The following DAB1 variants were observed in gnomAD, a reference collection of about 807,000 sequenced individuals.
DAB1 encodes disabled homolog 1.
In DAB1, 15 loss-of-function variants were observed where a neutral mutation model predicts 64.6. The ratio of observed to expected loss-of-function variants is 0.23; its 90% CI spans 0.16 to 0.36. The LOEUF (loss-of-function observed/expected upper bound fraction) is 0.36. Among genes scored for constraint, DAB1 ranks in the 10% least tolerant of loss-of-function variants. DAB1 has a pLI of 1.00. For missense variants in DAB1, 596 were observed against 706.7 expected, an observed-to-expected ratio of 0.84 and a Z score of 1.78; for synonymous variants, 235 against 251.9, an observed-to-expected ratio of 0.93 and a Z score of 0.64.
chr1:57,397,847 C>T (rs1443388330), intron 1 of DAB1, among the ~76,000 whole-genome samples: 1 of 152,190 alleles, frequency 6.6e-6, no homozygotes, highest in Non-Finnish European at 1.5e-5. Context: ...TGGTTTGCAC[C>T]TAAGTGCCAG....
chr1:57,058,184 C>G (rs1349748146), intron 9 of DAB1, among the ~76,000 whole-genome samples: 1 of 152,136 alleles, frequency 6.6e-6, no homozygotes, highest in African/African-American at 2.4e-5. Context: ...GGCCACCTGT[C>G]CGCCTGGTGA....
At chr1:57,136,374 A>G (rs1158698861) in intron 4 of DAB1, among the ~76,000 whole-genome samples, 169 bp downstream of exon 4, 3 of 152,196 alleles carry the variant, frequency 2.0e-5, no homozygotes, top group Non-Finnish European at 4.4e-5. Context: ...TACTGTGGCC[A>G]AGTCAGCAAA....
At chr1:57,296,210 G>A (rs1238981416) in intron 1 of DAB1, among the ~76,000 whole-genome samples, 1 of 152,114 alleles carries the variant, frequency 6.6e-6, no homozygotes, top group Non-Finnish European at 1.5e-5. Context: ...GGAAAGGAAA[G>A]CAGGAAAGAA....
At chr1:57,339,137 C>CTT (rs5774338) in intron 1 of DAB1, among the ~76,000 whole-genome samples, 1 of 145,284 alleles carries the variant, frequency 6.9e-6, no homozygotes, top group Non-Finnish European at 1.5e-5. Context: ...CGGCTTCTTT[C>CTT]TTTTTTTTTT....
At chr1:58,282,876 G>GT (rs1208101689) in intron 4 of DAB1, among the ~76,000 whole-genome samples, 2 of 152,342 alleles carry the variant, frequency 1.3e-5, no homozygotes, top group African/African-American at 2.4e-5. Flanking sequence ...ATAGCAACAA[G>GT]TATAGACTAA....
intron 7 of DAB1, among the ~76,000 whole-genome samples, chr1:57,430,539 C>T (rs1314439621): frequency 6.6e-6 from 1 of 152,042 alleles, no homozygotes; most frequent in Non-Finnish European, 1.5e-5. Context: ...CCATGCCTGG[C>T]TAATTTTTTT....
intron 3 of DAB1, among the ~76,000 whole-genome samples, chr1:58,438,858 G>A (rs936507924): frequency 1.3e-5 from 2 of 152,102 alleles, no homozygotes; most frequent in East Asian, 1.9e-4. Context: ...TGCTTCTGTC[G>A]CTTTCACCTG....
chr1:58,361,568 G>C (rs554215287), intron 3 of DAB1, among the ~76,000 whole-genome samples: 76 of 152,202 alleles, frequency 5.0e-4, no homozygotes, highest in African/African-American at 1.8e-3. Context: ...TTTTGTTAGG[G>C]GGAAGTTGAT....
intron 5 of DAB1, among the ~76,000 whole-genome samples, chr1:57,921,009 C>T (rs1644800895): frequency 6.6e-6 from 1 of 152,134 alleles, no homozygotes; most frequent in Non-Finnish European, 1.5e-5. Context: ...TTCATTACCA[C>T]ATCATTAGTA....
chr1:58,385,348 G>A (rs1644424248), intron 3 of DAB1, among the ~76,000 whole-genome samples: 1 of 152,156 alleles, frequency 6.6e-6, no homozygotes, highest in Non-Finnish European at 1.5e-5. Flanking sequence ...GTCTTACCCT[G>A]TCTTACTCTT....
At position 57,070,739 on chromosome 1, in the gene DAB1, A is replaced by G. The variant is rs573733635; in HGVS notation, c.597+284T>C. 21 of 433,328 alleles carry G rather than the reference A, an allele frequency of 4.8e-5. 1 individual carries two copies. The East Asian group carries it at 9.6e-4, about 20-fold the overall frequency. 26.8% of individuals were successfully genotyped at this position (433,328 alleles called of 1,614,324 possible). On this transcript the variant is annotated intron_variant, in intron 7 of 14. Coordinates refer to ENST00000371236, the MANE Select transcript of DAB1 (RefSeq NM_001365792.1). ...GAATATTCAAGAGACTCTTGAAAAC[A>G]TTCAGCTCTGGGATCAAACTTTTAC...
intron 9 of DAB1, among the ~76,000 whole-genome samples, chr1:57,051,108 G>A (rs1178658487): frequency 6.6e-6 from 1 of 152,128 alleles, no homozygotes; most frequent in Non-Finnish European, 1.5e-5. Context: ...TAGAAATTCA[G>A]GATTCTATCT....
chr1:57,240,863 A>G (rs1283593315), intron 2 of DAB1, among the ~76,000 whole-genome samples: 2 of 152,210 alleles, frequency 1.3e-5, no homozygotes, highest in Admixed American at 1.3e-4. Context: ...TAATTATATT[A>G]ACCTTCCCTC....
chr1:58,284,772 T>C (rs1432249569), intron 4 of DAB1, among the ~76,000 whole-genome samples: 1 of 152,228 alleles, frequency 6.6e-6, no homozygotes, highest in Non-Finnish European at 1.5e-5. Flanking sequence ...TATATAATCA[T>C]GAAGTCTCAT....
chr1:57,905,683 T>C (rs1478261891), intron 5 of DAB1, among the ~76,000 whole-genome samples: 1 of 152,138 alleles, frequency 6.6e-6, no homozygotes, highest in African/African-American at 2.4e-5. Flanking sequence ...TCCACCACCA[T>C]GAAGTGAGTG....
At chr1:57,705,757 G>T (rs939835456) in intron 6 of DAB1, among the ~76,000 whole-genome samples, 2 of 151,738 alleles carry the variant, frequency 1.3e-5, no homozygotes, top group Non-Finnish European at 2.9e-5. Context: ...GTGATTATTT[G>T]CTTATTACGT....
intron 5 of DAB1, among the ~76,000 whole-genome samples, chr1:58,062,307 C>T (rs1303920057): frequency 6.6e-6 from 1 of 152,174 alleles, no homozygotes; most frequent in Non-Finnish European, 1.5e-5. Flanking sequence ...GTAGAGGTCA[C>T]AGACCTCATA....
chr1:57,120,129 C>G (rs1432039276), intron 4 of DAB1, among the ~76,000 whole-genome samples: 1 of 152,098 alleles, frequency 6.6e-6, no homozygotes, highest in Admixed American at 6.6e-5. Flanking sequence ...TTTTTTTGGG[C>G]TGGAGTTGAC....
chr1:58,537,086 GTA>G (rs71779509), intron 1 of DAB1, among the ~76,000 whole-genome samples: 11 of 128,504 alleles, frequency 8.6e-5, no homozygotes, highest in East Asian at 2.7e-4. Flanking sequence ...CTCTCTCTCT[GTA>G]TATATATATA....
Sources: gnomAD v4.1 joint callset for allele counts (sites outside exome capture counted in the v4.1 genomes callset) on GRCh38, gnomAD v4.1.1 for gene constraint, MANE v1.5 for transcripts, NCBI Gene and HGNC (gene_info 2026-07-23, HGNC 2026-07-21) for gene names.